Variants in IPCEF1 observed in about 807,000 individuals in gnomAD.
IPCEF1 encodes the protein interaction protein for cytohesin exchange factors 1.
In IPCEF1, 31 loss-of-function variants were observed where a neutral mutation model predicts 50.9. The observed-to-expected ratio is 0.61, with a 90% CI of 0.46 to 0.82. The LOEUF is 0.82. Ranked by LOEUF, IPCEF1 falls within the 40% of genes least tolerant of loss-of-function variation. The probability of loss-of-function intolerance (pLI) is 0.00; values close to 1 mark genes in which losing one functional copy is unlikely to be tolerated. For synonymous variants in IPCEF1, 181 were observed against 192.0 expected, an observed-to-expected ratio of 0.94 and a Z score of 0.47; for missense variants, 458 against 514.0, an observed-to-expected ratio of 0.89 and a Z score of 1.05.
At chr6:154,261,355 AT>A (rs1306683304) in intron 3 of IPCEF1, among the ~76,000 whole-genome samples, 3 of 152,168 alleles carry the variant, frequency 2.0e-5, no homozygotes, top group Admixed American at 6.5e-5. Flanking sequence ...CCAAAGGACA[AT>A]GGGACATTGA....
intron 10 of IPCEF1, among the ~76,000 whole-genome samples, chr6:154,197,409 C>T (rs1776702660): frequency 6.6e-6 from 1 of 152,110 alleles, no homozygotes; most frequent in African/African-American, 2.4e-5. Context: ...ACCAAATCCC[C>T]AGCAGCAGAA....
rs1798792254 is a variant in IPCEF1, at chr6:154,158,237, A to C, written c.*1591T>G. On this transcript the variant is annotated 3_prime_UTR_variant, in exon 12 of 12. Transcript: ENST00000367220. ...CCACACTTTGAAGCTATAAAACAAA[A>C]TAGGTTGTGTGAACAATTTGTTACG... The C allele has an allele frequency of 6.6e-6, 1 of 152,222 alleles. No homozygotes were observed. The highest frequency in any genetic ancestry group is 6.5e-5 in the Admixed American group (1 of 15,282). The allele number at this position is 152,222 out of a possible 1,614,324, so 9.4% of individuals were successfully genotyped here.
At chr6:154,230,415 A>C (rs905627543) in intron 5 of IPCEF1, among the ~76,000 whole-genome samples, 6 of 152,248 alleles carry the variant, frequency 3.9e-5, no homozygotes, top group African/African-American at 1.2e-4. Flanking sequence ...AAATTAACTA[A>C]AACAGGACAT....
At chr6:154,295,430 C>T (rs2128671501) in intron 1 of IPCEF1, among the ~76,000 whole-genome samples, 1 of 151,848 alleles carries the variant, frequency 6.6e-6, no homozygotes, top group Non-Finnish European at 1.5e-5. Context: ...CGTGCTGCCC[C>T]CAACCTCCTC....
chr6:154,179,840 C>A (rs764712202), intron 10 of IPCEF1, among the ~76,000 whole-genome samples: 1 of 152,190 alleles, frequency 6.6e-6, no homozygotes, highest in African/African-American at 2.4e-5. Context: ...CCACTCCTCT[C>A]AAACTTTTAA....
In IPCEF1 at chr6:154,159,640, G is replaced by A. The variant is rs9479768; in HGVS notation, c.*188C>T. The A allele has an allele frequency of 0.01, 6,288 of 599,524 alleles. 275 individuals carry two copies. The highest frequency in any genetic ancestry group is 0.1 in the African/African-American group (5,342 of 53,394). 37.1% of individuals were successfully genotyped at this position (599,524 alleles called of 1,614,324 possible). On this transcript the variant is annotated 3_prime_UTR_variant, in exon 12 of 12. Transcript: ENST00000367220. ...CAATCATTCCAATCTCAATGGATGC[G>A]TTACGACTGAAATGAGGAGCCCTGG...
chr6:154,333,249 C>T (rs1296617886), intron 1 of IPCEF1, among the ~76,000 whole-genome samples: 1 of 151,038 alleles, frequency 6.6e-6, no homozygotes, highest in Admixed American at 6.6e-5. Context: ...GAGGGTGTTG[C>T]CAAAGGAGAT....
intron 2 of IPCEF1, among the ~76,000 whole-genome samples, chr6:154,289,481 A>G (rs1290089528): frequency 6.6e-6 from 1 of 151,818 alleles, no homozygotes; most frequent in African/African-American, 2.4e-5. Flanking sequence ...CCATAAATAA[A>G]TAAATAAATA....
chr6:154,161,985 C>T (rs1358355188), intron 11 of IPCEF1, among the ~76,000 whole-genome samples: 5 of 152,198 alleles, frequency 3.3e-5, no homozygotes, highest in African/African-American at 7.2e-5. Context: ...CATCCTCACT[C>T]GCAGCTGATG....
intron 1 of IPCEF1, among the ~76,000 whole-genome samples, chr6:154,335,406 C>G (rs1217989629): frequency 6.6e-6 from 1 of 152,182 alleles, no homozygotes; most frequent in Non-Finnish European, 1.5e-5. Flanking sequence ...ATCTGTATGC[C>G]TTTTCTCCAG....
intron 1 of IPCEF1, among the ~76,000 whole-genome samples, chr6:154,306,941 G>T (rs193273367): frequency 1.4e-3 from 206 of 152,212 alleles, no homozygotes; most frequent in Non-Finnish European, 2.3e-3. Flanking sequence ...GTGAGTGGTT[G>T]TATCAGTTTG....
At chr6:154,241,000 G>C (rs1466312689) in intron 5 of IPCEF1, among the ~76,000 whole-genome samples, 4 of 152,134 alleles carry the variant, frequency 2.6e-5, no homozygotes, top group Non-Finnish European at 4.4e-5. Flanking sequence ...CACTTTGGGA[G>C]ACTGAGGCGG....
intron 9 of IPCEF1, among the ~76,000 whole-genome samples, chr6:154,204,050 C>T (rs147241437): frequency 1.3e-5 from 2 of 152,196 alleles, no homozygotes; most frequent in East Asian, 3.9e-4. Context: ...TTTCAGAACA[C>T]TTAGGTATTA....
intron 10 of IPCEF1, among the ~76,000 whole-genome samples, chr6:154,186,076 G>A (rs1256736627): frequency 1.3e-5 from 2 of 152,084 alleles, no homozygotes; most frequent in Non-Finnish European, 2.9e-5. Flanking sequence ...CTCTCCCCAG[G>A]TGATCTCAAT....
intron 1 of IPCEF1, among the ~76,000 whole-genome samples, chr6:154,340,800 G>T (rs926168367): frequency 1.5e-4 from 22 of 150,680 alleles, no homozygotes; most frequent in African/African-American, 4.9e-4. Flanking sequence ...CAGGAGAATC[G>T]CTTGAACCCA....
At chr6:154,229,346 G>GT (rs34462600) in intron 5 of IPCEF1, among the ~76,000 whole-genome samples, 7,436 of 112,634 alleles carry the variant, frequency 0.066, 585 homozygotes, top group East Asian at 0.18. Context: ...AAGTTTGCCG[G>GT]TTTTTTTTTT....
chr6:154,157,309 G>A lies in IPCEF1; in HGVS notation c.*2519C>T. The A allele has an allele frequency of 6.6e-6, 1 of 152,388 alleles. No homozygotes were observed. Among genetic ancestry groups the A allele is most frequent in the Non-Finnish European group, 1.5e-5 (1 of 68,152 alleles). 9.4% of individuals were successfully genotyped at this position (152,388 alleles called of 1,614,324 possible). ...CAGCCCTACTTTCTAGCACAACCTG[G>A]TCAAAAGCAAAATAATTTACAGGGG... On this transcript the variant is annotated 3_prime_UTR_variant, in exon 12 of 12. Transcript: ENST00000367220.
intron 9 of IPCEF1, among the ~76,000 whole-genome samples, chr6:154,201,578 G>A (rs1051512117): frequency 3.3e-5 from 5 of 152,150 alleles, no homozygotes; most frequent in South Asian, 2.1e-4. Context: ...TATGGGACAT[G>A]CCTGTCAACA....
chr6:154,269,491 CT>C (rs780722344), intron 2 of IPCEF1, among the ~76,000 whole-genome samples: 1 of 151,546 alleles, frequency 6.6e-6, no homozygotes, highest in African/African-American at 2.4e-5. Context: ...CTTTTCCTTT[CT>C]TTTTTTAATT....
Sources: gnomAD v4.1 joint callset for allele counts (sites outside exome capture counted in the v4.1 genomes callset) on GRCh38, gnomAD v4.1.1 for gene constraint, MANE v1.5 for transcripts, NCBI Gene and HGNC (gene_info 2026-07-23, HGNC 2026-07-21) for gene names.